The following ERC2 variants were observed in gnomAD, a reference collection of about 807,000 sequenced individuals.
ERC2 encodes the protein ERC protein 2.
In ERC2, 42 loss-of-function variants were observed where a neutral mutation model predicts 114.8. The observed-to-expected ratio is 0.37, with a 90% CI of 0.29 to 0.47. The LOEUF (loss-of-function observed/expected upper bound fraction) is 0.47, where lower values mean the gene tolerates loss of function less well. Ranked by LOEUF, ERC2 falls within the 20% of genes least tolerant of loss-of-function variation. The pLI is 0.99. For missense variants in ERC2, 939 were observed against 1,150.7 expected (o/e 0.82, Z 2.66); for synonymous variants, 454 against 425.5 (o/e 1.07, Z -0.82).
At chr3:55,752,114 G>C (rs1220531361) in intron 14 of ERC2, among the ~76,000 whole-genome samples, 3 of 152,140 alleles carry the variant, frequency 2.0e-5, no homozygotes, top group Non-Finnish European at 4.4e-5. Context: ...AGTAATGTTT[G>C]ACCTTCCTGG....
chr3:55,553,712 G>A (rs932685503), intron 17 of ERC2, among the ~76,000 whole-genome samples: 2 of 152,002 alleles, frequency 1.3e-5, no homozygotes, highest in African/African-American at 4.8e-5. Flanking sequence ...CCCGGGAGGT[G>A]GAGCTTGCCG....
intron 17 of ERC2, among the ~76,000 whole-genome samples, chr3:55,624,214 T>A: frequency 6.6e-6 from 1 of 152,128 alleles, no homozygotes. Flanking sequence ...AAAAAAGGAA[T>A]GAACACTATT....
At chr3:56,370,599 T>G (rs570472258) in intron 2 of ERC2, among the ~76,000 whole-genome samples, 64 of 149,262 alleles carry the variant, frequency 4.3e-4, no homozygotes, top group African/African-American at 1.3e-3. Context: ...TTTTTTGTTT[T>G]TTTTTTTTTT....
intron 2 of ERC2, among the ~76,000 whole-genome samples, chr3:56,339,573 G>A (rs757051264): frequency 6.6e-6 from 1 of 152,052 alleles, no homozygotes; most frequent in Non-Finnish European, 1.5e-5. Context: ...TCAAGAGAAA[G>A]ATTTAATCAG....
chr3:56,442,586 A>G (rs1314953068), intron 1 of ERC2, among the ~76,000 whole-genome samples: 1 of 152,166 alleles, frequency 6.6e-6, no homozygotes, highest in Non-Finnish European at 1.5e-5. Flanking sequence ...TACTTCCTGA[A>G]CAGTCTGACA....
At chr3:56,180,435 A>G (rs1012750016) in intron 3 of ERC2, among the ~76,000 whole-genome samples, 1 of 152,232 alleles carries the variant, frequency 6.6e-6, no homozygotes, top group African/African-American at 2.4e-5. Context: ...TAGATGAATG[A>G]ATGATAAACA....
At position 55,794,768 on chromosome 3, in the gene ERC2, C is replaced by T. The variant is rs9868187; in HGVS notation, c.2565-59850G>A. On this transcript the variant is annotated intron_variant, in intron 14 of 17. Coordinates refer to ENST00000288221, the MANE Select transcript of ERC2 (RefSeq NM_015576.3). ...ATACATCCTTATTTATAGTTGATACCTTCCAGAAAATTAACACCATAATTT... is the reference window on the plus strand; with the variant it reads ...ATACATCCTTATTTATAGTTGATACTTTCCAGAAAATTAACACCATAATTT... Among the ~76,000 whole-genome samples the T allele has an allele frequency of 5.8e-3, 876 of 152,182 alleles. 10 individuals are homozygous for T. Among genetic ancestry groups the T allele is most frequent in the African/African-American group, 0.02 (835 of 41,518 alleles).
intron 13 of ERC2, among the ~76,000 whole-genome samples, chr3:55,918,442 G>A (rs1383963579): frequency 6.6e-6 from 1 of 152,024 alleles, no homozygotes; most frequent in Non-Finnish European, 1.5e-5. Flanking sequence ...GAGAAATTTG[G>A]CAATATGTAA....
chr3:56,281,295 G>A (rs565988367), intron 3 of ERC2, among the ~76,000 whole-genome samples: 2 of 149,514 alleles, frequency 1.3e-5, no homozygotes, highest in South Asian at 2.2e-4. Context: ...AAATTAGCCG[G>A]GCGTAGTGGC....
chr3:56,374,047 C>T (rs1020045980), intron 2 of ERC2, among the ~76,000 whole-genome samples: 1 of 152,156 alleles, frequency 6.6e-6, no homozygotes, highest in Non-Finnish European at 1.5e-5. Flanking sequence ...ATCAAGTTCA[C>T]ACCTTGCATG....
At position 55,967,926 on chromosome 3, in the gene ERC2, T is replaced by C. The variant is rs75274807; in HGVS notation, c.2268-17366A>G. Among the ~76,000 whole-genome samples the C allele has an allele frequency of 5.1e-3, 774 of 152,322 alleles. 6 individuals carry two copies. Among genetic ancestry groups the C allele is most frequent in the African/African-American group, 0.017 (720 of 41,590 alleles). On this transcript the variant is annotated intron_variant, in intron 12 of 17. Transcript: ENST00000288221. ...AAGCAGCAAGAAGGCCCTCACCAGA[T>C]GCCAGCTTCCTGATCTTGGACTTTC...
chr3:56,179,724 G>T lies in ERC2; in HGVS notation c.1075-6204C>A, dbSNP rs116735432. Reference sequence around the variant, plus strand: ...AGGAAAAATGGAAGTGGACCACCAAGACAGGGAAGATTGGGAAGGAAAGGT... The same window carrying T: ...AGGAAAAATGGAAGTGGACCACCAATACAGGGAAGATTGGGAAGGAAAGGT... On this transcript the variant is annotated intron_variant, in intron 3 of 17. Transcript: ENST00000288221. Among the ~76,000 whole-genome samples the T allele has an allele frequency of 2.1e-3, 324 of 152,166 alleles. 2 individuals carry two copies. The highest frequency in any genetic ancestry group is 7.6e-3 in the African/African-American group (315 of 41,520).
At chr3:56,160,157 T>C (rs561729510) in intron 4 of ERC2, among the ~76,000 whole-genome samples, 4 of 152,308 alleles carry the variant, frequency 2.6e-5, no homozygotes, top group African/African-American at 9.6e-5. Context: ...CTCACTAGCA[T>C]CTGTTGTGCT....
intron 14 of ERC2, among the ~76,000 whole-genome samples, chr3:55,741,952 C>G (rs2065985456): frequency 6.6e-6 from 1 of 151,978 alleles, no homozygotes; most frequent in South Asian, 2.1e-4. Context: ...AATTCTGTGC[C>G]CTGTCATACA....
chr3:55,775,081 A>G (rs2068494163), intron 14 of ERC2, among the ~76,000 whole-genome samples: 1 of 152,212 alleles, frequency 6.6e-6, no homozygotes, highest in Admixed American at 6.5e-5. Flanking sequence ...CCCAGCTAGC[A>G]TCAAATGTCC....
intron 7 of ERC2, among the ~76,000 whole-genome samples, chr3:56,063,023 T>A (rs1379901407): frequency 6.6e-6 from 1 of 152,244 alleles, no homozygotes; most frequent in Non-Finnish European, 1.5e-5. Context: ...GAGTTATCTT[T>A]AAGAGTATCC....
At chr3:55,848,372 G>A (rs2061447908) in intron 14 of ERC2, among the ~76,000 whole-genome samples, 1 of 152,060 alleles carries the variant, frequency 6.6e-6, no homozygotes, top group Non-Finnish European at 1.5e-5. Flanking sequence ...CTGCCCACTT[G>A]GGCCATCGCC....
At chr3:55,923,344 A>G (rs1180517266) in intron 13 of ERC2, among the ~76,000 whole-genome samples, 1 of 152,076 alleles carries the variant, frequency 6.6e-6, no homozygotes, top group Non-Finnish European at 1.5e-5. Flanking sequence ...AAATTCATAA[A>G]GCCAGAAAAT....
At chr3:56,431,455 G>C (rs1337993096) in intron 2 of ERC2, among the ~76,000 whole-genome samples, 1 of 152,170 alleles carries the variant, frequency 6.6e-6, no homozygotes, top group Non-Finnish European at 1.5e-5. Context: ...TCAGGATGCA[G>C]AAATCCTGGA....
Sources: allele counts gnomAD v4.1 joint callset (sites outside exome capture counted in the v4.1 genomes callset), GRCh38; gene constraint gnomAD v4.1.1; transcripts MANE v1.5; gene names NCBI Gene and HGNC (gene_info 2026-07-23, HGNC 2026-07-21).